Variants in PDIK1L observed in about 807,000 individuals in gnomAD.
PDIK1L encodes the protein serine/threonine-protein kinase PDIK1L.
In PDIK1L, 9 loss-of-function variants were observed where a neutral mutation model predicts 27.1. The ratio of observed to expected loss-of-function variants is 0.33; its 90% CI spans 0.20 to 0.58. The LOEUF (loss-of-function observed/expected upper bound fraction) is 0.58. Among genes scored for constraint, PDIK1L ranks in the 20% least tolerant of loss-of-function variants. The pLI is 0.86. For synonymous variants in PDIK1L, 130 were observed against 141.7 expected, an observed-to-expected ratio of 0.92 and a Z score of 0.59; for missense variants, 216 against 413.2, an observed-to-expected ratio of 0.52 and a Z score of 4.14.
chr1:26,113,472 A>C (rs1378945501), intron 1 of PDIK1L, among the ~76,000 whole-genome samples: 1 of 149,798 alleles, frequency 6.7e-6, no homozygotes, highest in African/African-American at 2.5e-5. Flanking sequence ...AGCCTGGGAG[A>C]CAGAGCGAGA....
chr1:26,121,790 G>A (rs373046897), intron 2 of PDIK1L, 47 bp from the exon 3 acceptor site: 1 of 1,528,074 alleles, frequency 6.5e-7, no homozygotes, highest in East Asian at 2.3e-5. Context: ...TAACTGAATT[G>A]TATAACCTAT....
intron 1 of PDIK1L, among the ~76,000 whole-genome samples, chr1:26,112,258 G>A (rs373924799): frequency 2.1e-4 from 32 of 152,330 alleles, no homozygotes; most frequent in East Asian, 1.5e-3. Context: ...CCGCCGCGTC[G>A]GGCAACACCT....
chr1:26,120,916 C>A (rs1418657637), intron 2 of PDIK1L, among the ~76,000 whole-genome samples: 1 of 144,920 alleles, frequency 6.9e-6, no homozygotes, highest in East Asian at 2.1e-4. Context: ...TGCGCCATTG[C>A]ACTCCAGCCT....
upstream of PDIK1L, chr1:26,111,783 G>A (rs2087798861): frequency 6.6e-6 from 1 of 152,020 alleles, no homozygotes; most frequent in South Asian, 2.1e-4. This position sits in a 1 kb window ranked among gnomAD's most constrained non-coding sequence, Gnocchi z 4.0. Context: ...CGGCGTAAGG[G>A]GGTGTGTCCG....
intron 2 of PDIK1L, among the ~76,000 whole-genome samples, chr1:26,119,623 G>T (rs1347016185): frequency 6.6e-6 from 1 of 152,184 alleles, no homozygotes; most frequent in Admixed American, 6.5e-5. Flanking sequence ...AGCACTTTGG[G>T]AGGCCGAGAG....
Position 26,122,988 on chromosome 1 carries a change from A to T in PDIK1L, c.*411A>T, listed in dbSNP as rs534829110. On this transcript the variant is annotated 3_prime_UTR_variant, in exon 3 of 3. Transcript: ENST00000374269. This position sits in a 1 kb window ranked among gnomAD's most constrained non-coding sequence, Gnocchi z 5.4. The stretch of plus-strand genomic sequence containing the variant: ...CTTTGTAAAGGAAACATATATGTAT[A>T]TATTTATGTATATGTAAGTATGTGA... The T allele has an allele frequency of 6.4e-6, 1 of 155,040 alleles. No individual in the cohort carries two copies. The highest frequency in any genetic ancestry group is 1.4e-5 in the Non-Finnish European group (1 of 69,584). The allele number at this position is 155,040 out of a possible 1,614,324, so 9.6% of individuals were successfully genotyped here.
At chr1:26,113,498 TAAAAAAAAAA>T (rs67443362) in intron 1 of PDIK1L, among the ~76,000 whole-genome samples, 1,878 of 91,058 alleles carry the variant, frequency 0.021, 42 homozygotes, top group African/African-American at 0.072. Context: ...AGACTCCGTC[TAAAAAAAAAA>T]AAAAAAAAAA....
At chr1:26,111,777 G>C (rs532612111), upstream of PDIK1L, 2 of 151,442 alleles carry the variant, frequency 1.3e-5, no homozygotes, top group African/African-American at 4.8e-5. This position sits in a 1 kb window ranked among gnomAD's most constrained non-coding sequence, Gnocchi z 4.0. Flanking sequence ...GGCCGTCGGC[G>C]TAAGGGGGTG....
chr1:26,118,057 C>CAAAAAA (rs763719360), intron 2 of PDIK1L, among the ~76,000 whole-genome samples: 1 of 103,006 alleles, frequency 9.7e-6, no homozygotes. Context: ...GACCCTGTCT[C>CAAAAAA]AAAAAAAAAA....
chr1:26,112,547 T>C (rs960453745), intron 1 of PDIK1L: 1 of 152,276 alleles, frequency 6.6e-6, no homozygotes, highest in Non-Finnish European at 1.5e-5. Context: ...GTGGATGTGA[T>C]TGGCGATCCC....
At position 26,123,739 on chromosome 1, in the gene PDIK1L, G is replaced by C. The variant is rs953398379; in HGVS notation, c.*1162G>C. 1 of 152,548 alleles carries C rather than the reference G, an allele frequency of 6.6e-6. No individual in the cohort carries two copies. Among genetic ancestry groups the C allele is most frequent in the African/African-American group, 2.4e-5 (1 of 41,424 alleles). 9.4% of individuals were successfully genotyped at this position (152,548 alleles called of 1,614,324 possible). A position where few individuals can be genotyped will look rare whatever the true frequency, so the allele number is the denominator to read the frequency against. On this transcript the variant is annotated 3_prime_UTR_variant, in exon 3 of 3. Transcript: ENST00000374269. ...ATCACCTTTATCTAAAGTGGGAGAA[G>C]ATACATACACAGTATGGCAAATGGA...
rs2088007539 is a variant in PDIK1L, at chr1:26,122,614, CT to C, written c.*39del. The C allele has an allele frequency of 6.4e-7, 1 of 1,560,146 alleles. No individual in the cohort carries two copies. Among genetic ancestry groups the C allele is most frequent in the African/African-American group, 1.4e-5 (1 of 73,092 alleles). ...TGCAAATACCATGGATGATATGCTG[CT>C]TCTGTTTAACAGTGATGCAACATTA... On this transcript the variant is annotated 3_prime_UTR_variant, in exon 3 of 3. Coordinates refer to ENST00000374269, the MANE Select transcript of PDIK1L (RefSeq NM_152835.5). This position sits in a 1 kb window ranked among gnomAD's most constrained non-coding sequence, Gnocchi z 5.4.
intron 2 of PDIK1L, among the ~76,000 whole-genome samples, chr1:26,117,714 G>T (rs1402190217): frequency 6.6e-6 from 1 of 152,130 alleles, no homozygotes; most frequent in Admixed American, 6.5e-5. Context: ...CTGCACTCCA[G>T]CCTGGGTGAC....
chr1:26,123,227 G>A lies in PDIK1L; in HGVS notation c.*650G>A, dbSNP rs1000277872. ...GCTTTTTTTTTAAGGCATCATTTTCGAGGGTCTAAAATTATCTGGTAAAAC... is the reference window on the plus strand; with the variant it reads ...GCTTTTTTTTTAAGGCATCATTTTCAAGGGTCTAAAATTATCTGGTAAAAC... On this transcript the variant is annotated 3_prime_UTR_variant, in exon 3 of 3. Transcript: ENST00000374269. 2.9e-5 allele frequency: 4 copies of A among 139,452 alleles called. No homozygotes were observed. The highest frequency in any genetic ancestry group is 4.6e-5 in the Non-Finnish European group (3 of 65,408). 8.6% of individuals were successfully genotyped at this position (139,452 alleles called of 1,614,324 possible).
rs1408160278 is a variant in PDIK1L at position 26,114,780 on chromosome 1, C to T, written c.285+187C>T. Reference sequence around the variant, plus strand: ...CAAGGTTTTATTTAAACCTGTGAGGCACATACCTAAAAATAACATAAGCCA... The same window carrying T: ...CAAGGTTTTATTTAAACCTGTGAGGTACATACCTAAAAATAACATAAGCCA... On this transcript the variant is annotated intron_variant, in intron 2 of 2. Coordinates refer to ENST00000374269, the MANE Select transcript of PDIK1L (RefSeq NM_152835.5). This position sits in a 1 kb window ranked among gnomAD's most constrained non-coding sequence, Gnocchi z 4.8. 2.0e-5 allele frequency among the ~76,000 whole-genome samples: 3 copies of T among 152,178 alleles called. No individual in the cohort carries two copies. Among genetic ancestry groups the T allele is most frequent in the African/African-American group, 7.2e-5 (3 of 41,434 alleles).
intron 2 of PDIK1L, among the ~76,000 whole-genome samples, chr1:26,118,576 C>T (rs922292104): frequency 6.6e-6 from 1 of 152,116 alleles, no homozygotes; most frequent in African/African-American, 2.4e-5. Flanking sequence ...TCTTCCTAGC[C>T]TCTATTTCTT....
At position 26,125,428 on chromosome 1, in the gene PDIK1L, T is replaced by G. The variant is rs1489920528; in HGVS notation, c.*2851T>G. The G allele has an allele frequency of 4.6e-5, 7 of 152,528 alleles. No homozygotes were observed. Among genetic ancestry groups the G allele is most frequent in the Non-Finnish European group, 8.8e-5 (6 of 67,998 alleles). 9.4% of individuals were successfully genotyped at this position (152,528 alleles called of 1,614,324 possible). A position where few individuals can be genotyped will look rare whatever the true frequency, so the allele number is the denominator to read the frequency against. ...AAGAAATGAAAGCAACTTTTGAAAT[T>G]TTCTGTTAAAATTGTCAAATATATT... On this transcript the variant is annotated 3_prime_UTR_variant, in exon 3 of 3. Transcript: ENST00000374269.
rs754544782 is a variant in PDIK1L, at chr1:26,114,611, G to T, written c.285+18G>T. On this transcript the variant is annotated intron_variant, in intron 2 of 2. Coordinates refer to ENST00000374269, the MANE Select transcript of PDIK1L (RefSeq NM_152835.5). This position sits in a 1 kb window ranked among gnomAD's most constrained non-coding sequence, Gnocchi z 4.8. Reference sequence around the variant, plus strand: ...ATTTACAGGTATGTGTTGTTGATTGGGAAATAGAAATGATTTGAACATGGC... The same window carrying T: ...ATTTACAGGTATGTGTTGTTGATTGTGAAATAGAAATGATTTGAACATGGC... 1 of 1,604,040 alleles carries T rather than the reference G, an allele frequency of 6.2e-7. No individual in the cohort carries two copies. Among genetic ancestry groups the T allele is most frequent in the South Asian group, 1.1e-5 (1 of 90,792 alleles).
intron 2 of PDIK1L, among the ~76,000 whole-genome samples, chr1:26,120,237 C>G (rs879582146): frequency 2.0e-5 from 3 of 152,190 alleles, no homozygotes; most frequent in Admixed American, 2.0e-4. Context: ...GAAATATTTA[C>G]TATCTGGCCT....
Sources: gnomAD v4.1 joint callset for allele counts (sites outside exome capture counted in the v4.1 genomes callset) on GRCh38, gnomAD v4.1.1 for gene constraint, Gnocchi (gnomAD v3.1) non-coding constraint, MANE v1.5 for transcripts, NCBI Gene and HGNC (gene_info 2026-07-23, HGNC 2026-07-21) for gene names.